FHIT: variants seen among roughly 807,000 people sequenced by gnomAD.
FHIT encodes the protein bis(5'-adenosyl)-triphosphatase.
In FHIT, 19 loss-of-function variants were observed where a neutral mutation model predicts 17.9. The ratio of observed to expected loss-of-function variants is 1.06; its 90% CI spans 0.74 to 1.56. The LOEUF (loss-of-function observed/expected upper bound fraction) is 1.56. FHIT is among the 40% of genes most tolerant of loss of function. The pLI is 0.00. For synonymous variants in FHIT, 81 were observed against 69.7 expected (o/e 1.16, Z -0.81); for missense variants, 248 against 189.2 (o/e 1.31, Z -1.82).
rs1384773069 is a variant in FHIT at position 61,049,008 on chromosome 3, G to A, written c.-163-6909C>T. Among the ~76,000 whole-genome samples, 6 of 152,034 alleles carry A rather than the reference G, an allele frequency of 3.9e-5. No individual in the cohort carries two copies. The East Asian group carries it at 1.2e-3, about 30-fold the overall frequency. ...GGGGAGTGGGGAGGGATACCATTAG[G>A]AGATATACCTAATGCTAAATGATGA... On this transcript the variant is annotated intron_variant, in intron 2 of 9. Coordinates refer to ENST00000492590, the MANE Select transcript of FHIT (RefSeq NM_002012.4).
intron 3 of FHIT, among the ~76,000 whole-genome samples, chr3:61,030,891 G>A (rs2032979530): frequency 6.6e-6 from 1 of 152,172 alleles, no homozygotes; most frequent in African/African-American, 2.4e-5. Context: ...TTCCATAACA[G>A]CAAGGGTCCC....
At chr3:59,997,790 T>C (rs1404488945) in intron 7 of FHIT, among the ~76,000 whole-genome samples, 2 of 152,150 alleles carry the variant, frequency 1.3e-5, no homozygotes, top group African/African-American at 2.4e-5. Context: ...GCAATTAAAA[T>C]TGCAATTTAT....
At chr3:59,942,745 C>T (rs1165942012) in intron 7 of FHIT, among the ~76,000 whole-genome samples, 3 of 152,090 alleles carry the variant, frequency 2.0e-5, no homozygotes, top group Admixed American at 1.3e-4. Context: ...ACCTCCCAGG[C>T]TCAAGTGATC....
chr3:60,953,407 T>C (rs924005168), intron 3 of FHIT, among the ~76,000 whole-genome samples: 1 of 152,038 alleles, frequency 6.6e-6, no homozygotes, highest in Non-Finnish European at 1.5e-5. Flanking sequence ...ATGACAGCTA[T>C]TTGGACCGAA....
intron 5 of FHIT, among the ~76,000 whole-genome samples, chr3:60,338,906 C>T (rs1443553223): frequency 6.6e-6 from 1 of 152,112 alleles, no homozygotes; most frequent in African/African-American, 2.4e-5. Flanking sequence ...CAAACCTCAG[C>T]GCACTACTTA....
In FHIT at chr3:60,311,722, G is replaced by A. The variant is rs567708128; in HGVS notation, c.103+225138C>T. Among the ~76,000 whole-genome samples the A allele has an allele frequency of 5.3e-5, 8 of 152,328 alleles. No homozygotes were observed. In the East Asian group the frequency reaches 1.5e-3, roughly 29 times the overall value. On this transcript the variant is annotated intron_variant, in intron 5 of 9. Transcript: ENST00000492590. ...TTTTATTATGCAAAGGCTGTGGTTT[G>A]TGAGCTATCATTTGTATGGGCTCCT... is the stretch of plus-strand genomic sequence containing the variant.
intron 3 of FHIT, among the ~76,000 whole-genome samples, chr3:60,875,923 ATGTGTGTGTGTG>A (rs60177380): frequency 2.0e-4 from 27 of 136,900 alleles, no homozygotes; most frequent in South Asian, 5.3e-4. Context: ...AAACTTATTC[ATGTGTGTGTGTG>A]TGTGTGTGTG....
At chr3:60,710,470 A>G (rs2041494957) in intron 4 of FHIT, among the ~76,000 whole-genome samples, 1 of 152,192 alleles carries the variant, frequency 6.6e-6, no homozygotes, top group Non-Finnish European at 1.5e-5. Flanking sequence ...AGGGCAAGGC[A>G]TTGCCTCACT....
chr3:59,953,301 T>C (rs1328813924), intron 7 of FHIT, among the ~76,000 whole-genome samples: 1 of 152,060 alleles, frequency 6.6e-6, no homozygotes, highest in East Asian at 1.9e-4. Context: ...TGAGTGTCTC[T>C]CTCTCCTTAT....
chr3:61,058,345 C>T lies in FHIT; in HGVS notation c.-163-16246G>A, dbSNP rs72875951. 9.6e-3 allele frequency among the ~76,000 whole-genome samples: 1,461 copies of T among 152,224 alleles called. 18 individuals carry two copies. Among genetic ancestry groups the T allele is most frequent in the African/African-American group, 0.032 (1,326 of 41,534 alleles). On this transcript the variant is annotated intron_variant, in intron 2 of 9. Transcript: ENST00000492590. The stretch of plus-strand genomic sequence containing the variant: ...ACATGTAAAGTATATTTGAGATGGT[C>T]GGTAAGATAACATCATTCTCATTCA...
At chr3:60,380,063 C>T (rs1306427853) in intron 5 of FHIT, among the ~76,000 whole-genome samples, 1 of 152,198 alleles carries the variant, frequency 6.6e-6, no homozygotes, top group African/African-American at 2.4e-5. Context: ...TTAAGCCTCA[C>T]AGCAATCCTA....
intron 3 of FHIT, among the ~76,000 whole-genome samples, chr3:61,026,478 A>G (rs981248878): frequency 2.6e-5 from 4 of 152,170 alleles, no homozygotes; most frequent in African/African-American, 9.7e-5. Flanking sequence ...ACCCACCAAC[A>G]TTGCTGCACT....
intron 3 of FHIT, among the ~76,000 whole-genome samples, chr3:60,859,610 A>C (rs1157078669): frequency 6.6e-6 from 1 of 151,826 alleles, no homozygotes; most frequent in Non-Finnish European, 1.5e-5. Context: ...AGGCACCCTG[A>C]AGGCTACTTG....
At chr3:61,070,078 G>A (rs1326529776) in intron 2 of FHIT, among the ~76,000 whole-genome samples, 1 of 152,066 alleles carries the variant, frequency 6.6e-6, no homozygotes. Context: ...ATTTTTAGTA[G>A]AGACGGGGTT....
At chr3:59,939,986 C>T (rs1478244579) in intron 7 of FHIT, among the ~76,000 whole-genome samples, 6 of 152,154 alleles carry the variant, frequency 3.9e-5, no homozygotes, top group Admixed American at 2.6e-4. Context: ...AGGTTCAGGT[C>T]CTTAACCTTA....
In FHIT at chr3:60,205,713, A is replaced by G. The variant is rs145884578; in HGVS notation, c.104-191561T>C. Among the ~76,000 whole-genome samples the G allele has an allele frequency of 6.0e-4, 92 of 152,294 alleles. 1 individual carries two copies. The highest frequency in any genetic ancestry group is 9.7e-4 in the Non-Finnish European group (66 of 68,024). ...GCAAAGTTCAGAAATACACATACAT[A>G]CATTTACATATATGAATACGTATGT... On this transcript the variant is annotated intron_variant, in intron 5 of 9. Coordinates refer to ENST00000492590, the MANE Select transcript of FHIT (RefSeq NM_002012.4).
chr3:60,219,015 G>A (rs977293106), intron 5 of FHIT, among the ~76,000 whole-genome samples: 4 of 152,112 alleles, frequency 2.6e-5, no homozygotes, highest in African/African-American at 9.7e-5. Context: ...AAGCACTGGT[G>A]AAACTGGAAA....
At chr3:60,964,423 T>C (rs1709612416) in intron 3 of FHIT, among the ~76,000 whole-genome samples, 2 of 152,156 alleles carry the variant, frequency 1.3e-5, no homozygotes, top group South Asian at 4.1e-4. Context: ...GAGCATTTAG[T>C]CCATTTACAT....
At chr3:60,113,335 C>T (rs371886474) in intron 5 of FHIT, among the ~76,000 whole-genome samples, 64 of 150,336 alleles carry the variant, frequency 4.3e-4, no homozygotes, top group African/African-American at 5.0e-5. Flanking sequence ...AATCCATGTA[C>T]TACAGAAACC....
Sources: gnomAD v4.1 joint callset for allele counts (sites outside exome capture counted in the v4.1 genomes callset) on GRCh38, gnomAD v4.1.1 for gene constraint, MANE v1.5 for transcripts, NCBI Gene and HGNC (gene_info 2026-07-23, HGNC 2026-07-21) for gene names.